The following CC2D2B variants were observed in gnomAD, a reference collection of about 807,000 sequenced individuals.
CC2D2B encodes the protein coiled-coil and C2 domain containing 2B.
Under a neutral mutation model 161.2 loss-of-function variants are expected in CC2D2B, and 128 were observed. The observed-to-expected ratio is 0.79, with a 90% CI of 0.69 to 0.92. The LOEUF is 0.92. Among genes scored for constraint, CC2D2B ranks in the 40% least tolerant of loss-of-function variants. The pLI, the probability that CC2D2B is intolerant of heterozygous loss-of-function variation, is 0.00. For synonymous variants in CC2D2B, 391 were observed against 449.8 expected (o/e 0.87, Z 1.65); for missense variants, 1,173 against 1,375.1 (o/e 0.85, Z 2.32).
chr10:95,975,262 CA>C (rs2077272534), intron 17 of CC2D2B, among the ~76,000 whole-genome samples: 1 of 151,962 alleles, frequency 6.6e-6, no homozygotes, highest in East Asian at 1.9e-4. Flanking sequence ...TAAAAAAGAA[CA>C]GGGAGAACAT....
intron 2 of CC2D2B, among the ~76,000 whole-genome samples, chr10:95,912,055 C>A (rs1056318013): frequency 2.0e-5 from 3 of 152,098 alleles, no homozygotes; most frequent in Admixed American, 6.6e-5. Context: ...ATAGACTGGG[C>A]TCTTTTTATG....
intron 17 of CC2D2B, among the ~76,000 whole-genome samples, chr10:95,976,425 G>A (rs2077315693): frequency 6.6e-6 from 1 of 152,244 alleles, no homozygotes; most frequent in Non-Finnish European, 1.5e-5. Context: ...GAGTGGGACA[G>A]ATGACAGGTT....
chr10:95,964,205 C>T (rs1666023381), intron 12 of CC2D2B, among the ~76,000 whole-genome samples: 1 of 152,152 alleles, frequency 6.6e-6, no homozygotes, highest in African/African-American at 2.4e-5. Context: ...TTCCCAGAGT[C>T]ATTTGGCTCA....
At chr10:96,026,387 A>G (rs1220627882) in intron 33 of CC2D2B, among the ~76,000 whole-genome samples, 2 of 152,160 alleles carry the variant, frequency 1.3e-5, no homozygotes, top group African/African-American at 4.8e-5. Context: ...TTACATTCAA[A>G]TAGGGGGAAG....
rs887676515 is a variant in CC2D2B, at chr10:96,032,907, G to T, written c.*899G>T. ...TTTGCTGCTTTTCTTTCTTAGTAGT[G>T]GCTTATCTAGATCCTAAGAGCCCCT... On this transcript the variant is annotated 3_prime_UTR_variant, in exon 35 of 35. Transcript: ENST00000646931. 2.6e-6 allele frequency: 1 copy of T among 384,898 alleles called. No homozygotes were observed. The highest frequency in any genetic ancestry group is 3.1e-5 in the Admixed American group (1 of 31,928). 23.8% of individuals were successfully genotyped at this position (384,898 alleles called of 1,614,324 possible). A position where few individuals can be genotyped will look rare whatever the true frequency, so the allele number is the denominator to read the frequency against.
intron 3 of CC2D2B, among the ~76,000 whole-genome samples, chr10:95,923,194 G>A (rs1171433438): frequency 4.6e-5 from 7 of 151,976 alleles, no homozygotes; most frequent in South Asian, 2.1e-4. Context: ...TGCCCGCCTC[G>A]GCTTCCCAAA....
intron 11 of CC2D2B, 109 bp from the exon 12 acceptor site, chr10:95,961,720 G>T (rs2076769571): frequency 6.4e-6 from 3 of 472,392 alleles, no homozygotes; most frequent in Admixed American, 4.4e-5. Context: ...AAAGAATAAG[G>T]TGGGGAGGGA....
At chr10:96,001,796 C>T (rs1349530632) in intron 24 of CC2D2B, among the ~76,000 whole-genome samples, 1 of 152,176 alleles carries the variant, frequency 6.6e-6, no homozygotes, top group African/African-American at 2.4e-5. Flanking sequence ...GAGTCATTGG[C>T]CAGAGTTCCT....
chr10:95,974,748 G>A (rs757312770), intron 17 of CC2D2B, among the ~76,000 whole-genome samples: 7 of 152,018 alleles, frequency 4.6e-5, no homozygotes, highest in South Asian at 2.1e-4. Flanking sequence ...AAAAATAAAC[G>A]GAAATGAAAA....
At chr10:95,996,357 A>G (rs1417438580) in intron 24 of CC2D2B, 105 bp downstream of exon 24, 1 of 576,802 alleles carries the variant, frequency 1.7e-6, no homozygotes, top group East Asian at 2.8e-5. Flanking sequence ...GCTTTATTTA[A>G]GCTTTTAAAT....
rs762149536 is a variant in CC2D2B at position 96,012,388 on chromosome 10, C to A, written c.3228+21C>A. On this transcript the variant is annotated intron_variant, in intron 27 of 34. Coordinates refer to ENST00000646931, the MANE Select transcript of CC2D2B (RefSeq NM_001349008.3). Reference sequence around the variant, plus strand: ...ATAAGGTAGGTTTTACATTGAATTTCTTTTATATATACCATCAAAGAGGTA... The same window carrying A: ...ATAAGGTAGGTTTTACATTGAATTTATTTTATATATACCATCAAAGAGGTA... The A allele has an allele frequency of 1.2e-5, 8 of 684,238 alleles. 1 individual carries two copies. The highest frequency in any genetic ancestry group is 1.0e-4 in the South Asian group (6 of 57,854). 42.4% of individuals were successfully genotyped at this position (684,238 alleles called of 1,614,324 possible).
chr10:95,960,438 G>A (rs1224762474), intron 11 of CC2D2B, among the ~76,000 whole-genome samples: 2 of 152,180 alleles, frequency 1.3e-5, no homozygotes, highest in Non-Finnish European at 2.9e-5. Flanking sequence ...AGAGATATAA[G>A]AAAATTTAAT....
At chr10:95,922,586 A>G (rs889450557) in intron 3 of CC2D2B, among the ~76,000 whole-genome samples, 3 of 152,252 alleles carry the variant, frequency 2.0e-5, no homozygotes, top group Admixed American at 1.3e-4. Flanking sequence ...ATTTAGCTTT[A>G]TGCTTACCCT....
chr10:95,992,547 G>A lies in CC2D2B; in HGVS notation c.2492G>A (p.Cys831Tyr), dbSNP rs897941945. ...TTTAGCCAATTGACAGATGCAGTTT[G>A]TAAGTTTGTTGAACCACGGAGAAAG... Reference protein sequence around the residue: ...VSTSQLTDAVCKFVEPRRKLK... With the variant: ...VSTSQLTDAVYKFVEPRRKLK... The change falls in exon 22 of 35, where the codon TGT (cysteine) becomes TAT (tyrosine). Residue 831 changes from cysteine to tyrosine, a missense_variant. Cys to Tyr is a radical substitution (Grantham distance 194). Coordinates refer to ENST00000646931, the MANE Select transcript of CC2D2B (RefSeq NM_001349008.3). 10 of 1,234,104 alleles carry A rather than the reference G, an allele frequency of 8.1e-6. No homozygotes were observed. Among genetic ancestry groups the A allele is most frequent in the Non-Finnish European group, 1.0e-5 (10 of 988,072 alleles). The allele number at this position is 1,234,104 out of a possible 1,614,324, so 76.4% of individuals were successfully genotyped here. A position where few individuals can be genotyped will look rare whatever the true frequency, so the allele number is the denominator to read the frequency against.
chr10:95,996,687 C>G lies in CC2D2B; in HGVS notation c.2849+435C>G, dbSNP rs558347897. Among the ~76,000 whole-genome samples the G allele has an allele frequency of 9.2e-5, 14 of 152,244 alleles. No individual in the cohort carries two copies. In the East Asian group the frequency reaches 2.7e-3, roughly 29 times the overall value. The stretch of plus-strand genomic sequence containing the variant: ...ATTATTTACTTATGTATGTTTTCAA[C>G]TTTATATAAATTGAGTTATATTTGT... On this transcript the variant is annotated intron_variant, in intron 24 of 34. Coordinates refer to ENST00000646931, the MANE Select transcript of CC2D2B (RefSeq NM_001349008.3).
intron 9 of CC2D2B, among the ~76,000 whole-genome samples, chr10:95,942,929 C>T (rs1353220454): frequency 6.6e-6 from 1 of 152,068 alleles, no homozygotes; most frequent in Non-Finnish European, 1.5e-5. Flanking sequence ...TTTTCACAGA[C>T]CTGTTGTTTT....
intron 19 of CC2D2B, among the ~76,000 whole-genome samples, chr10:95,987,470 T>C (rs892266386): frequency 2.6e-5 from 4 of 152,202 alleles, no homozygotes; most frequent in African/African-American, 9.6e-5. Context: ...TGAGCATGCG[T>C]TGTTTCATGG....
chr10:95,917,888 T>G (rs1481832710), intron 2 of CC2D2B, among the ~76,000 whole-genome samples: 7 of 152,158 alleles, frequency 4.6e-5, no homozygotes, highest in African/African-American at 1.7e-4. Context: ...ATGATTTTCC[T>G]GCCTCAGCCT....
chr10:95,995,728 C>T (rs1438677547), intron 23 of CC2D2B, among the ~76,000 whole-genome samples: 3 of 152,184 alleles, frequency 2.0e-5, no homozygotes, highest in Admixed American at 2.0e-4. Context: ...TGTTATTGTC[C>T]AAAGGAACTA....
Sources: gnomAD v4.1 joint callset for allele counts (sites outside exome capture counted in the v4.1 genomes callset) on GRCh38, gnomAD v4.1.1 for gene constraint, MANE v1.5 for transcripts, NCBI Gene and HGNC (gene_info 2026-07-23, HGNC 2026-07-21) for gene names.